Variants in KIF16B observed in about 807,000 individuals in gnomAD.
KIF16B encodes the protein kinesin family member 16B, also known as kinesin-like protein KIF16B.
KIF16B carries 98 observed loss-of-function variants against 156.3 expected under a neutral mutation model. The observed-to-expected ratio is 0.63, with a 90% CI of 0.53 to 0.74. The LOEUF is 0.74. Ranked by LOEUF, KIF16B falls within the 30% of genes least tolerant of loss-of-function variation. KIF16B has a pLI of 0.00. For missense variants in KIF16B, 1,421 were observed against 1,606.5 expected, an observed-to-expected ratio of 0.88 and a Z score of 1.97; for synonymous variants, 564 against 583.7, an observed-to-expected ratio of 0.97 and a Z score of 0.49.
At chr20:16,346,323 T>G (rs1167070942) in intron 23 of KIF16B, among the ~76,000 whole-genome samples, 2 of 151,960 alleles carry the variant, frequency 1.3e-5, no homozygotes, top group African/African-American at 2.4e-5. Context: ...GCTTGGAGAG[T>G]GAAGATTCCT....
chr20:16,564,569 G>A (rs867972422), intron 1 of KIF16B, among the ~76,000 whole-genome samples: 1 of 151,554 alleles, frequency 6.6e-6, no homozygotes, highest in Non-Finnish European at 1.5e-5. Flanking sequence ...GTTAAATGAC[G>A]AGTTAATGGG....
At position 16,378,983 on chromosome 20, in the gene KIF16B, G is replaced by A. The variant is rs557095718; in HGVS notation, c.3019C>T (p.Arg1007Trp). The A allele has an allele frequency of 1.8e-5, 29 of 1,613,878 alleles. No individual in the cohort carries two copies. The highest frequency in any genetic ancestry group is 1.3e-4 in the East Asian group (6 of 44,878). The change falls in exon 19 of 26, where the codon CGG becomes TGG. Residue 1007 changes from arginine to tryptophan, a missense_variant. Transcript: ENST00000354981. ...CTCCTCTCCAGCCTGGCCAGGGCCC[G>A]CTCCAGCGCCTCTCTCTGCTGCTTC... ...REKQQREALERALARLERRHS... is the reference protein window; with the variant it reads ...REKQQREALEWALARLERRHS...
intron 12 of KIF16B, among the ~76,000 whole-genome samples, chr20:16,435,325 C>T (rs1401963170): frequency 1.3e-5 from 2 of 152,186 alleles, no homozygotes; most frequent in African/African-American, 4.8e-5. Flanking sequence ...ACTTACTTTC[C>T]TCAGAAGGTT....
intron 15 of KIF16B, among the ~76,000 whole-genome samples, chr20:16,415,987 T>C (rs1258311500): frequency 6.6e-6 from 1 of 152,170 alleles, no homozygotes; most frequent in Admixed American, 6.5e-5. Flanking sequence ...CTTTTATTCA[T>C]ATGTTTCTTG....
At chr20:16,371,525 G>T in intron 21 of KIF16B, 140 bp downstream of exon 21, 1 of 569,980 alleles carries the variant, frequency 1.8e-6, no homozygotes. Context: ...GGGAGGTGGA[G>T]GTTGCAGTGA....
chr20:16,367,215 C>G, intron 22 of KIF16B: 4 of 1,612,758 alleles, frequency 2.5e-6, no homozygotes, highest in Non-Finnish European at 3.4e-6. Flanking sequence ...GTTTCCAGAC[C>G]TCAGGTGCGA....
chr20:16,392,527 G>A (rs1346105049), intron 17 of KIF16B, among the ~76,000 whole-genome samples: 1 of 152,218 alleles, frequency 6.6e-6, no homozygotes, highest in African/African-American at 2.4e-5. Context: ...CCTCTGCCAT[G>A]ACGATACACT....
intron 12 of KIF16B, among the ~76,000 whole-genome samples, chr20:16,452,975 T>G (rs2067123969): frequency 6.6e-6 from 1 of 151,910 alleles, no homozygotes; most frequent in South Asian, 2.1e-4. Flanking sequence ...GGCAACCAGA[T>G]AGCCATTTAG....
intron 22 of KIF16B, chr20:16,368,138 G>C: frequency 8.6e-7 from 1 of 1,165,798 alleles, no homozygotes; most frequent in Admixed American, 4.3e-5. Flanking sequence ...ACATGCCTAA[G>C]AAGGTCTTTT....
chr20:16,427,261 T>C lies in KIF16B; in HGVS notation c.1475-20A>G, dbSNP rs781183016. 6.3e-6 allele frequency: 10 copies of C among 1,594,846 alleles called. No individual in the cohort carries two copies. In the Middle Eastern group the frequency reaches 1.2e-3, roughly 187 times the overall value. On this transcript the variant is annotated intron_variant, in intron 14 of 25. Coordinates refer to ENST00000354981, the MANE Select transcript of KIF16B (RefSeq NM_024704.5). ...GAAGAACTAAAGTGGAAAAACAAAG[T>C]AGAAAGAATTTTTCCCCCTTTTCTA...
intron 12 of KIF16B, among the ~76,000 whole-genome samples, chr20:16,475,630 T>C (rs973515940): frequency 2.0e-5 from 3 of 152,210 alleles, no homozygotes; most frequent in Admixed American, 6.5e-5. Flanking sequence ...ATGACAGAAA[T>C]AATTGTACAA....
chr20:16,480,970 T>C (rs2067966476), intron 12 of KIF16B, among the ~76,000 whole-genome samples: 2 of 152,230 alleles, frequency 1.3e-5, no homozygotes, highest in South Asian at 4.1e-4. Context: ...CATTTGATTC[T>C]ATGAACCTAC....
At chr20:16,568,819 C>CAAAAAA (rs57421025) in intron 1 of KIF16B, among the ~76,000 whole-genome samples, 2 of 55,510 alleles carry the variant, frequency 3.6e-5, no homozygotes, top group Non-Finnish European at 5.8e-5. Flanking sequence ...GACCCTGTCT[C>CAAAAAA]AAAAAAAAAA....
At chr20:16,399,924 C>T (rs538892867) in intron 17 of KIF16B, among the ~76,000 whole-genome samples, 1 of 152,340 alleles carries the variant, frequency 6.6e-6, no homozygotes, top group South Asian at 2.1e-4. Flanking sequence ...CCCACTGCTG[C>T]CTCAGTTCAG....
intron 1 of KIF16B, among the ~76,000 whole-genome samples, chr20:16,572,383 T>C (rs1447638698): frequency 1.3e-5 from 2 of 152,230 alleles, no homozygotes; most frequent in Non-Finnish European, 2.9e-5. Context: ...ACCAACTTGG[T>C]AGAGAAGTCA....
At chr20:16,389,038 G>C (rs1357642724) in intron 17 of KIF16B, among the ~76,000 whole-genome samples, 2 of 152,162 alleles carry the variant, frequency 1.3e-5, no homozygotes, top group Non-Finnish European at 2.9e-5. Flanking sequence ...CCTGGCAACA[G>C]AGGCGGTCTC....
intron 16 of KIF16B, among the ~76,000 whole-genome samples, chr20:16,405,756 GT>G (rs1218705758): frequency 1.3e-5 from 2 of 152,128 alleles, no homozygotes; most frequent in Non-Finnish European, 1.5e-5. Context: ...ATATGTACAA[GT>G]TTAGCACCAT....
chr20:16,471,846 T>C (rs145256667), intron 12 of KIF16B, among the ~76,000 whole-genome samples: 1 of 152,226 alleles, frequency 6.6e-6, no homozygotes, highest in Admixed American at 6.5e-5. Context: ...TATTCTTTTT[T>C]CCATTAAGGT....
rs527490454 is a variant in KIF16B at position 16,313,155 on chromosome 20, C to T, written c.3712-737G>A. ...ATGAGAATCCAACTAGCCAGTGTTG[C>T]CTTGGCTGAATAAATGCTAAGTAGC... is the stretch of plus-strand genomic sequence containing the variant. On this transcript the variant is annotated intron_variant, in intron 24 of 25. Coordinates refer to ENST00000354981, the MANE Select transcript of KIF16B (RefSeq NM_024704.5). Among the ~76,000 whole-genome samples, 11 of 152,324 alleles carry T rather than the reference C, an allele frequency of 7.2e-5. No individual in the cohort carries two copies. In the South Asian group the frequency reaches 1.9e-3, roughly 26 times the overall value.
Sources: allele counts gnomAD v4.1 joint callset (sites outside exome capture counted in the v4.1 genomes callset), GRCh38; gene constraint gnomAD v4.1.1; transcripts MANE v1.5; gene names NCBI Gene and HGNC (gene_info 2026-07-23, HGNC 2026-07-21).